The following TMEM45A variants were observed in gnomAD, a reference collection of about 807,000 sequenced individuals.
The protein encoded by TMEM45A is DNA polymerase-transactivated protein 4.
In TMEM45A, 25 loss-of-function variants were observed where a neutral mutation model predicts 32.0. That is an observed-to-expected ratio of 0.78 (90% CI 0.57 to 1.09). TMEM45A has a LOEUF of 1.09. Ranked by LOEUF, TMEM45A falls within the 50% of genes least tolerant of loss-of-function variation. The pLI, the probability that TMEM45A is intolerant of heterozygous loss-of-function variation, is 0.00. For synonymous variants in TMEM45A, 122 were observed against 114.8 expected (o/e 1.06, Z -0.40); for missense variants, 302 against 325.0 (o/e 0.93, Z 0.54).
intron 1 of TMEM45A, among the ~76,000 whole-genome samples, 192 bp downstream of exon 1, chr3:100,493,120 C>CATTTTTTT (rs1559630375): frequency 8.6e-6 from 1 of 115,918 alleles, no homozygotes; most frequent in African/African-American, 3.4e-5. Flanking sequence ...GTTTGCTATT[C>CATTTTTTT]TTTTTTTTTT....
At position 100,555,391 on chromosome 3, in the gene TMEM45A, G is replaced by A. The variant is rs1281439652; in HGVS notation, c.180G>A (p.Met60Ile). The part of the protein sequence containing the change: ...EILEGITIVG[M>I]ALTGMAGEQF... ...TGGAGGGAATTACAATAGTTGGCATGGCTTTAACTGGTGAGTGGACCATTC... is the reference window on the plus strand; with the variant it reads ...TGGAGGGAATTACAATAGTTGGCATAGCTTTAACTGGTGAGTGGACCATTC... Residue 60 changes from methionine (M) to isoleucine (I), a missense_variant, in exon 2 of 6, where the codon ATG (methionine) becomes ATA (isoleucine). Transcript: ENST00000323523. 4 of 1,612,978 alleles carry A rather than the reference G, an allele frequency of 2.5e-6. No homozygotes were observed. The Admixed American group carries it at 6.7e-5, about 27-fold the overall frequency.
chr3:100,572,606 T>G (rs1482709304), intron 5 of TMEM45A: 1 of 152,032 alleles, frequency 6.6e-6, no homozygotes, highest in African/African-American at 2.4e-5. Flanking sequence ...TTAGTTTAAT[T>G]AGATCCCATT....
At chr3:100,525,075 C>A (rs1705514569) in intron 1 of TMEM45A, among the ~76,000 whole-genome samples, 1 of 151,836 alleles carries the variant, frequency 6.6e-6, no homozygotes, top group African/African-American at 2.4e-5. Flanking sequence ...GTAGTCCTAG[C>A]TATTTGGGAG....
At chr3:100,519,448 T>C in intron 1 of TMEM45A, 1 of 920,188 alleles carries the variant, frequency 1.1e-6, no homozygotes, top group Admixed American at 2.2e-5. Context: ...AGCCTATTGA[T>C]TTTTTTATTC....
At chr3:100,537,511 T>C (rs1416143795) in intron 1 of TMEM45A, among the ~76,000 whole-genome samples, 1 of 152,192 alleles carries the variant, frequency 6.6e-6, no homozygotes, top group Non-Finnish European at 1.5e-5. Flanking sequence ...AGGAGTGGCT[T>C]TCCTTCCCAA....
At position 100,558,351 on chromosome 3, in the gene TMEM45A, C is replaced by G; in HGVS notation, c.404-54C>G. 6 of 1,599,840 alleles carry G rather than the reference C, an allele frequency of 3.8e-6. No homozygotes were observed. In the South Asian group the frequency reaches 5.5e-5, roughly 15 times the overall value. ...CTACGGAGAGAGGGAGAGAGAGAAA[C>G]AGTGGGTGGTCCTTGGTTCCACTGA... is the stretch of plus-strand genomic sequence containing the variant. On this transcript the variant is annotated intron_variant, in intron 3 of 5. Transcript: ENST00000323523.
intron 1 of TMEM45A, among the ~76,000 whole-genome samples, chr3:100,523,915 T>C (rs1287050677): frequency 2.0e-5 from 3 of 152,232 alleles, no homozygotes; most frequent in African/African-American, 7.2e-5. Flanking sequence ...GGGAACTGCA[T>C]AGAGCTAGAG....
intron 1 of TMEM45A, among the ~76,000 whole-genome samples, chr3:100,530,380 A>T (rs999551353): frequency 1.5e-4 from 23 of 152,202 alleles, no homozygotes; most frequent in Admixed American, 1.0e-3. Context: ...CATTCATCCT[A>T]GAGAAGACCT....
Position 100,555,418 on chromosome 3 carries a change from G to A in TMEM45A, c.190+17G>A. ...CTTTAACTGGTGAGTGGACCATTCT[G>A]TGTTCTATTTTTACCTTTTAGGTGT... On this transcript the variant is annotated intron_variant, in intron 2 of 5. Transcript: ENST00000323523. 6.3e-7 allele frequency: 1 copy of A among 1,598,228 alleles called. No homozygotes were observed. The highest frequency in any genetic ancestry group is 8.5e-7 in the Non-Finnish European group (1 of 1,172,208).
At chr3:100,539,893 A>G (rs1350572071) in intron 1 of TMEM45A, among the ~76,000 whole-genome samples, 1 of 152,108 alleles carries the variant, frequency 6.6e-6, no homozygotes, top group Non-Finnish European at 1.5e-5. Context: ...CATAAAATTA[A>G]CCACCAAATC....
intron 1 of TMEM45A, among the ~76,000 whole-genome samples, chr3:100,513,229 A>G (rs1292061009): frequency 2.0e-5 from 3 of 151,844 alleles, no homozygotes; most frequent in African/African-American, 2.4e-5. Context: ...ATCCTCAATA[A>G]AATACTGGCA....
chr3:100,511,933 A>T lies in TMEM45A; in HGVS notation c.-4+19005A>T, dbSNP rs1708170943. Among the ~76,000 whole-genome samples, 10 of 152,242 alleles carry T rather than the reference A, an allele frequency of 6.6e-5. No homozygotes were observed. The South Asian group carries it at 2.1e-3, about 32-fold the overall frequency. ...CAACAAGAAGAGCTAACTATCCTAA[A>T]TATATATGCACCCAATACAGGAGCA... On this transcript the variant is annotated intron_variant, in intron 1 of 5. Transcript: ENST00000323523.
intron 5 of TMEM45A, chr3:100,573,057 T>C (rs1159970372): frequency 6.6e-6 from 1 of 151,308 alleles, no homozygotes; most frequent in Non-Finnish European, 1.5e-5. Flanking sequence ...TTTGTTCTTT[T>C]GGCTTAGGAT....
chr3:100,537,915 A>C (rs1230436384), intron 1 of TMEM45A, among the ~76,000 whole-genome samples: 1 of 152,180 alleles, frequency 6.6e-6, no homozygotes, highest in Non-Finnish European at 1.5e-5. Flanking sequence ...CCAAAGAGAA[A>C]CTGAGAAACA....
intron 4 of TMEM45A, among the ~76,000 whole-genome samples, chr3:100,562,599 A>G (rs1415304319): frequency 1.3e-5 from 2 of 152,206 alleles, no homozygotes; most frequent in Non-Finnish European, 2.9e-5. Context: ...GGAGGCTTCA[A>G]AAAGCAATTA....
At chr3:100,521,161 C>T (rs576297651) in intron 1 of TMEM45A, among the ~76,000 whole-genome samples, 2 of 152,296 alleles carry the variant, frequency 1.3e-5, no homozygotes, top group South Asian at 4.1e-4. Context: ...CCCTCTGATA[C>T]ATCCTAAGTT....
At chr3:100,528,325 T>C (rs1300307161) in intron 1 of TMEM45A, among the ~76,000 whole-genome samples, 2 of 152,180 alleles carry the variant, frequency 1.3e-5, no homozygotes, top group Admixed American at 1.3e-4. Flanking sequence ...CCCTCAGGGG[T>C]GTGCAACCCA....
intron 1 of TMEM45A, among the ~76,000 whole-genome samples, chr3:100,505,130 AG>A (rs1453114898): frequency 6.6e-6 from 1 of 152,022 alleles, no homozygotes; most frequent in Non-Finnish European, 1.5e-5. Context: ...TTAATGACTG[AG>A]GGGGAAACAC....
chr3:100,496,188 C>T (rs764842636), intron 1 of TMEM45A, among the ~76,000 whole-genome samples: 1 of 152,128 alleles, frequency 6.6e-6, no homozygotes, highest in Non-Finnish European at 1.5e-5. Context: ...GGCCCTTTTT[C>T]TCTCAGATAA....
Sources: allele counts gnomAD v4.1 joint callset (sites outside exome capture counted in the v4.1 genomes callset), GRCh38; gene constraint gnomAD v4.1.1; transcripts MANE v1.5; gene names NCBI Gene and HGNC (gene_info 2026-07-23, HGNC 2026-07-21).